Variants in PRDM5 observed in about 807,000 individuals in gnomAD.
The protein encoded by PRDM5 is PR/SET domain 5.
Under a neutral mutation model 81.2 loss-of-function variants are expected in PRDM5, and 56 were observed. That is an observed-to-expected ratio of 0.69 (90% CI 0.56 to 0.86). The LOEUF (loss-of-function observed/expected upper bound fraction) is 0.86, where lower values mean the gene tolerates loss of function less well. PRDM5 is among the 40% of genes least tolerant of loss of function. The pLI is 0.00. For synonymous variants in PRDM5, 267 were observed against 256.4 expected (o/e 1.04, Z -0.39); for missense variants, 697 against 770.1 (o/e 0.91, Z 1.12).
At chr4:120,904,488 G>GACATAA (rs1765578632) in intron 2 of PRDM5, among the ~76,000 whole-genome samples, 1 of 152,098 alleles carries the variant, frequency 6.6e-6, no homozygotes, top group African/African-American at 2.4e-5. Flanking sequence ...TCAAAACACA[G>GACATAA]ACATAAAGGG....
At chr4:120,886,248 T>C (rs1256067647) in intron 2 of PRDM5, among the ~76,000 whole-genome samples, 2 of 152,186 alleles carry the variant, frequency 1.3e-5, no homozygotes, top group East Asian at 3.8e-4. Context: ...AAACATTTGG[T>C]AAAAAGAATT....
intron 14 of PRDM5, among the ~76,000 whole-genome samples, chr4:120,742,066 C>T (rs1333125362): frequency 2.0e-5 from 3 of 152,216 alleles, no homozygotes; most frequent in African/African-American, 7.2e-5. Context: ...TCTCCCAGTA[C>T]GCAGCTGGAG....
At chr4:120,747,078 T>G (rs910605134) in intron 14 of PRDM5, among the ~76,000 whole-genome samples, 3 of 147,176 alleles carry the variant, frequency 2.0e-5, no homozygotes, top group Admixed American at 6.8e-5. Context: ...ATGTGGCACA[T>G]ATACACCATA....
At chr4:120,848,491 T>A (rs1758902334) in intron 3 of PRDM5, among the ~76,000 whole-genome samples, 1 of 152,180 alleles carries the variant, frequency 6.6e-6, no homozygotes, top group Admixed American at 6.5e-5. Flanking sequence ...AGAGTCAGTA[T>A]CCTTATCTGA....
At chr4:120,849,296 G>A (rs557639312) in intron 3 of PRDM5, among the ~76,000 whole-genome samples, 10 of 152,196 alleles carry the variant, frequency 6.6e-5, no homozygotes, top group Non-Finnish European at 1.0e-4. Context: ...TTCACGTGTC[G>A]CCAGAGAAGA....
rs1435579048 is a variant in PRDM5, at chr4:120,904,196, AAAAAAAAAAC to A, written c.177+3268_177+3277del. 5.5e-5 allele frequency among the ~76,000 whole-genome samples: 8 copies of A among 145,072 alleles called. 1 individual carries two copies. The highest frequency in any genetic ancestry group is 1.2e-4 in the Non-Finnish European group (8 of 66,364). The stretch of plus-strand genomic sequence containing the variant: ...CAGAGGGAGACTCCTTCTCAAAAAA[AAAAAAAAAAC>A]AAAAAAACCTCCTTCCTTTATAAAT... On this transcript the variant is annotated intron_variant, in intron 2 of 15. Transcript: ENST00000264808.
intron 14 of PRDM5, among the ~76,000 whole-genome samples, chr4:120,713,070 G>A (rs571305672): frequency 3.3e-5 from 5 of 152,244 alleles, no homozygotes; most frequent in Admixed American, 2.6e-4. Context: ...AATATTCACT[G>A]TATCCTTGTG....
At chr4:120,830,831 CTATAT>C (rs1239779843) in intron 3 of PRDM5, among the ~76,000 whole-genome samples, 1 of 151,596 alleles carries the variant, frequency 6.6e-6, no homozygotes, top group Non-Finnish European at 1.5e-5. Context: ...AAACAGAATA[CTATAT>C]TAAACAAAAA....
At chr4:120,687,856 A>G (rs72919561), downstream of PRDM5, among the ~76,000 whole-genome samples, 6,077 of 152,206 alleles carry the variant, frequency 0.04, 291 homozygotes, top group African/African-American at 0.12. Context: ...TGACACAACA[A>G]TAACATCCTT....
intron 3 of PRDM5, among the ~76,000 whole-genome samples, chr4:120,847,732 G>A (rs1758817024): frequency 6.6e-6 from 1 of 152,170 alleles, no homozygotes; most frequent in Non-Finnish European, 1.5e-5. Context: ...AGACAGGCTA[G>A]ATGAAAGTCA....
At chr4:120,827,131 C>A (rs2597537) in intron 3 of PRDM5, among the ~76,000 whole-genome samples, 1 of 152,032 alleles carries the variant, frequency 6.6e-6, no homozygotes, top group South Asian at 2.1e-4. Flanking sequence ...TTCCTTCGGA[C>A]AACGAATGCA....
chr4:120,849,098 G>T (rs1219988985), intron 3 of PRDM5, among the ~76,000 whole-genome samples: 1 of 152,042 alleles, frequency 6.6e-6, no homozygotes, highest in Non-Finnish European at 1.5e-5. Flanking sequence ...AATCCTTTTG[G>T]TATTTATTTT....
chr4:120,922,052 C>T (rs1725000003), intron 1 of PRDM5, among the ~76,000 whole-genome samples: 1 of 152,156 alleles, frequency 6.6e-6, no homozygotes, highest in South Asian at 2.1e-4. Flanking sequence ...GAAAGTTAGG[C>T]GTTTCTAGCC....
chr4:120,742,878 T>G lies in PRDM5; in HGVS notation c.1623+11675A>C, dbSNP rs1742297386. ...CTGCAGGATATTATCCAGGAGAATT[T>G]CCCCAATCTAGCAAGGCAGGCCAAC... is the stretch of plus-strand genomic sequence containing the variant. On this transcript the variant is annotated intron_variant, in intron 14 of 15. Transcript: ENST00000264808. Among the ~76,000 whole-genome samples the G allele has an allele frequency of 2.6e-5, 4 of 152,070 alleles. No individual in the cohort carries two copies. The South Asian group carries it at 8.3e-4, about 32-fold the overall frequency.
rs536995197 is a variant in PRDM5, at chr4:120,913,922, C to A, written c.94-6365G>T. Among the ~76,000 whole-genome samples, 4 of 152,328 alleles carry A rather than the reference C, an allele frequency of 2.6e-5. No homozygotes were observed. In the South Asian group the frequency reaches 6.2e-4, roughly 24 times the overall value. On this transcript the variant is annotated intron_variant, in intron 1 of 15. Transcript: ENST00000264808. ...GACTGACAGGGAACTGACAGCCTAT[C>A]TGCCAGTGCAGGCCCACTGAAGAGA...
At chr4:120,919,326 C>G (rs1332425599) in intron 1 of PRDM5, among the ~76,000 whole-genome samples, 1 of 152,206 alleles carries the variant, frequency 6.6e-6, no homozygotes, top group African/African-American at 2.4e-5. Flanking sequence ...GTCTTGCTCA[C>G]CTGTGTATTC....
intron 2 of PRDM5, among the ~76,000 whole-genome samples, chr4:120,899,879 AT>A (rs1039701399): frequency 6.6e-6 from 1 of 152,164 alleles, no homozygotes; most frequent in African/African-American, 2.4e-5. Flanking sequence ...CCCAGGTTCA[AT>A]TAATTTGCTA....
intron 14 of PRDM5, among the ~76,000 whole-genome samples, chr4:120,729,035 A>G (rs1226558629): frequency 1.3e-5 from 2 of 152,184 alleles, no homozygotes; most frequent in Non-Finnish European, 2.9e-5. Context: ...CCCGCAGGAG[A>G]CGGCTTTCCC....
chr4:120,901,383 C>A (rs747762484), intron 2 of PRDM5, among the ~76,000 whole-genome samples: 2 of 152,162 alleles, frequency 1.3e-5, no homozygotes, highest in Non-Finnish European at 2.9e-5. Flanking sequence ...TGACTAATTA[C>A]CCTGGTAATA....
Sources: gnomAD v4.1 joint callset for allele counts (sites outside exome capture counted in the v4.1 genomes callset) on GRCh38, gnomAD v4.1.1 for gene constraint, MANE v1.5 for transcripts, NCBI Gene and HGNC (gene_info 2026-07-23, HGNC 2026-07-21) for gene names.